Variants in TARS3 observed in about 807,000 individuals in gnomAD.
TARS3 encodes threonine--tRNA ligase 2, cytoplasmic.
Under a neutral mutation model 103.5 loss-of-function variants are expected in TARS3, and 94 were observed. That is an observed-to-expected ratio of 0.91 (90% CI 0.77 to 1.08). TARS3 has a LOEUF of 1.08. Among genes scored for constraint, TARS3 ranks in the 50% least tolerant of loss-of-function variants. The pLI is 0.00. For synonymous variants in TARS3, 416 were observed against 355.4 expected (o/e 1.17, Z -1.92); for missense variants, 952 against 995.2 (o/e 0.96, Z 0.58).
chr15:101,666,597 A>G (rs1456893496), intron 15 of TARS3, among the ~76,000 whole-genome samples: 1 of 152,112 alleles, frequency 6.6e-6, no homozygotes, highest in East Asian at 1.9e-4. Flanking sequence ...TATTAAAACT[A>G]AATAACTATC....
At chr15:101,660,388 T>C (rs1897332077) in intron 16 of TARS3, among the ~76,000 whole-genome samples, 1 of 152,226 alleles carries the variant, frequency 6.6e-6, no homozygotes, top group African/African-American at 2.4e-5. Flanking sequence ...GCCACTTGCT[T>C]CTGAATGCAT....
intron 12 of TARS3, among the ~76,000 whole-genome samples, chr15:101,677,498 C>T (rs1399421570): frequency 8.7e-6 from 1 of 115,352 alleles, no homozygotes; most frequent in Non-Finnish European, 1.8e-5. Context: ...CCTAGTTCTC[C>T]AGCTTTTTTT....
rs1178190594 is a variant in TARS3 at position 101,714,823 on chromosome 15, G to A, written c.690+17C>T. The stretch of plus-strand genomic sequence containing the variant: ...ATAACTACCCAAAGTTTGGCTGTCT[G>A]GTTTTTAAATACTCACAGCTTGAGC... On this transcript the variant is annotated intron_variant, in intron 4 of 18. Coordinates refer to ENST00000335968, the MANE Select transcript of TARS3 (RefSeq NM_152334.3). 1 of 1,595,592 alleles carries A rather than the reference G, an allele frequency of 6.3e-7. No homozygotes were observed. Among genetic ancestry groups the A allele is most frequent in the African/African-American group, 1.3e-5 (1 of 74,464 alleles).
rs922602420 is a variant in TARS3, at chr15:101,702,291, C to T, written c.1169G>A (p.Trp390Ter). 2 of 1,614,038 alleles carry T rather than the reference C, an allele frequency of 1.2e-6. No individual in the cohort carries two copies. Among genetic ancestry groups the T allele is most frequent in the African/African-American group, 2.7e-5 (2 of 74,920 alleles). Reference sequence around the variant, plus strand: ...CTTTGCTTCCTCTTGGAACTTTTCCCAGTCTCTCATCATCTTGTTATCAGG... The same window carrying T: ...CTTTGCTTCCTCTTGGAACTTTTCCTAGTCTCTCATCATCTTGTTATCAGG... The part of the protein sequence containing the change: ...SFPDNKMMRD[W>*]EKFQEEAKNR... The change falls in exon 9 of 19, where the codon TGG becomes TAG. Residue 390 changes from tryptophan to a stop codon, truncating the protein, a stop_gained. Transcript: ENST00000335968. LOFTEE classifies it high-confidence loss of function.
chr15:101,666,368 C>T (rs1044849810), intron 15 of TARS3, among the ~76,000 whole-genome samples: 4 of 149,368 alleles, frequency 2.7e-5, no homozygotes, highest in Non-Finnish European at 4.4e-5. Context: ...CCCAGTTACT[C>T]AGGAGGCTGA....
intron 12 of TARS3, among the ~76,000 whole-genome samples, chr15:101,683,762 C>T (rs894116527): frequency 5.3e-5 from 8 of 152,108 alleles, no homozygotes; most frequent in African/African-American, 1.9e-4. Flanking sequence ...TGAATTAACA[C>T]AAAAACTTGA....
chr15:101,693,748 A>G (rs903166481), intron 10 of TARS3, among the ~76,000 whole-genome samples: 1 of 152,142 alleles, frequency 6.6e-6, no homozygotes, highest in Non-Finnish European at 1.5e-5. Flanking sequence ...GGGACACTCA[A>G]CTCGGATGCA....
chr15:101,697,514 A>T (rs1367747761), intron 10 of TARS3, among the ~76,000 whole-genome samples: 1 of 152,192 alleles, frequency 6.6e-6, no homozygotes, highest in East Asian at 1.9e-4. Flanking sequence ...CAAACGTGAA[A>T]CTAATTAACT....
chr15:101,672,219 G>T (rs1897837342), intron 13 of TARS3, among the ~76,000 whole-genome samples: 1 of 152,140 alleles, frequency 6.6e-6, no homozygotes, highest in East Asian at 1.9e-4. Flanking sequence ...CTTCACCTCT[G>T]CACGTGTCTG....
chr15:101,702,164 C>T (rs528232434), intron 9 of TARS3, 75 bp downstream of exon 9: 1 of 1,555,984 alleles, frequency 6.4e-7, no homozygotes, highest in African/African-American at 1.4e-5. Flanking sequence ...TTTAAAGCAA[C>T]TTAGTTTTGT....
intron 10 of TARS3, among the ~76,000 whole-genome samples, chr15:101,688,488 A>G (rs1898570057): frequency 6.6e-6 from 1 of 152,164 alleles, no homozygotes; most frequent in Non-Finnish European, 1.5e-5. Flanking sequence ...AGGTTATTGA[A>G]GGAGCTGAGT....
chr15:101,668,599 T>C (rs1259890266), intron 15 of TARS3, among the ~76,000 whole-genome samples: 1 of 152,200 alleles, frequency 6.6e-6, no homozygotes, highest in African/African-American at 2.4e-5. Flanking sequence ...ACAGACTTGC[T>C]TGACACAGGG....
intron 12 of TARS3, among the ~76,000 whole-genome samples, chr15:101,676,802 CTTTTT>C (rs76822080): frequency 4.2e-5 from 6 of 143,480 alleles, no homozygotes; most frequent in African/African-American, 7.7e-5. Context: ...CCACTACACC[CTTTTT>C]TTTTTTTTTT....
In TARS3 at chr15:101,677,064, G is replaced by A. The variant is rs148403133; in HGVS notation, c.1651-1327C>T. 2.6e-3 allele frequency among the ~76,000 whole-genome samples: 402 copies of A among 152,254 alleles called. 3 individuals are homozygous for A. The highest frequency in any genetic ancestry group is 9.2e-3 in the African/African-American group (383 of 41,556). The stretch of plus-strand genomic sequence containing the variant: ...TATAAGTGAGAACATATGGAGTTTG[G>A]TTTTCTATTCCTGTGTTAGTTTGCT... On this transcript the variant is annotated intron_variant, in intron 12 of 18. Transcript: ENST00000335968.
chr15:101,700,638 C>A (rs140264362), intron 10 of TARS3, among the ~76,000 whole-genome samples: 1 of 149,194 alleles, frequency 6.7e-6, no homozygotes, highest in Admixed American at 6.8e-5. Context: ...CAATCTAGTA[C>A]CTCACTTTTT....
In TARS3 at chr15:101,675,629, C is replaced by G. The variant is rs746240105; in HGVS notation, c.1759G>C (p.Glu587Gln). The G allele has an allele frequency of 6.2e-7, 1 of 1,613,908 alleles. No homozygotes were observed. Among genetic ancestry groups the G allele is most frequent in the East Asian group, 2.2e-5 (1 of 44,880 alleles). The change falls in exon 13 of 19, where the codon GAG becomes CAG. Residue 587 changes from glutamate to glutamine, a missense_variant. By Grantham distance (29) the Glu-to-Gln change is conservative. Coordinates refer to ENST00000335968, the MANE Select transcript of TARS3 (RefSeq NM_152334.3). The stretch of plus-strand genomic sequence containing the variant: ...TCAGCCTCATTCCACATCTCAATCT[C>G]TCCTAGGAAGTTTTCCGGCCTTGTT... ...LSTRPENFLG[E>Q]IEMWNEAEKQ...
intron 18 of TARS3, chr15:101,655,986 C>T (rs1897186807): frequency 4.7e-6 from 6 of 1,289,198 alleles, no homozygotes; most frequent in Non-Finnish European, 5.1e-6. Flanking sequence ...GAATCTACAG[C>T]CATGCTTCTT....
In TARS3 at chr15:101,654,854, C is replaced by T. The variant is rs571494835; in HGVS notation, c.2261-124G>A. The T allele has an allele frequency of 2.0e-4, 178 of 895,260 alleles. 2 individuals are homozygous for T. In the African/African-American group the frequency reaches 2.8e-3, roughly 14 times the overall value. The allele number at this position is 895,260 out of a possible 1,614,324, so 55.5% of individuals were successfully genotyped here. ...CTAATATTAAATATCATCTAATGAGCATTTGGTTCATCCTCTGATAGTTAA... is the reference window on the plus strand; with the variant it reads ...CTAATATTAAATATCATCTAATGAGTATTTGGTTCATCCTCTGATAGTTAA... On this transcript the variant is annotated intron_variant, in intron 18 of 18. Transcript: ENST00000335968.
intron 15 of TARS3, among the ~76,000 whole-genome samples, chr15:101,670,912 GT>G (rs1489590244): frequency 1.3e-5 from 2 of 152,104 alleles, no homozygotes; most frequent in Non-Finnish European, 2.9e-5. Flanking sequence ...GCATGGCTCC[GT>G]TTACATGACA....
Sources: allele counts gnomAD v4.1 joint callset (sites outside exome capture counted in the v4.1 genomes callset), GRCh38; gene constraint gnomAD v4.1.1; transcripts MANE v1.5; gene names NCBI Gene and HGNC (gene_info 2026-07-23, HGNC 2026-07-21).